Variants in SH3GLB2 observed in about 807,000 individuals in gnomAD.
SH3GLB2 encodes endophilin-B2.
A neutral mutation model predicts 48.0 loss-of-function variants in SH3GLB2; 24 were observed. The ratio of observed to expected loss-of-function variants is 0.50; its 90% CI spans 0.36 to 0.70. The LOEUF (loss-of-function observed/expected upper bound fraction) is 0.70, where lower values mean the gene tolerates loss of function less well. Among genes scored for constraint, SH3GLB2 ranks in the 30% least tolerant of loss-of-function variants. SH3GLB2 has a pLI of 0.00. For missense variants in SH3GLB2, 425 were observed against 516.0 expected (o/e 0.82, Z 1.71); for synonymous variants, 227 against 207.6 (o/e 1.09, Z -0.80).
intron 1 of SH3GLB2, among the ~76,000 whole-genome samples, chr9:129,023,168 G>C (rs1843924661): frequency 6.6e-6 from 1 of 152,172 alleles, no homozygotes; most frequent in Non-Finnish European, 1.5e-5. Context: ...GTCTGGGAAG[G>C]AAGGGGAATG....
rs138489520 is a variant in SH3GLB2, at chr9:129,022,260, G to A, written c.205+22C>T. The A allele has an allele frequency of 3.3e-3, 5,299 of 1,610,634 alleles. 152 individuals are homozygous for A. In the East Asian group the frequency reaches 0.056, roughly 17 times the overall value. On this transcript the variant is annotated intron_variant, in intron 2 of 10. Transcript: ENST00000372564. ...CTGCCCCACGACTACATCCCTCCCC[G>A]GGCCCACGAACACGCACTCACTGGG...
intron 1 of SH3GLB2, among the ~76,000 whole-genome samples, chr9:129,023,280 C>T (rs552580273): frequency 1.3e-5 from 2 of 152,208 alleles, no homozygotes; most frequent in East Asian, 1.9e-4. Context: ...ACCCAGGGCC[C>T]GGATGTCGCA....
At chr9:129,013,907 G>C (rs1459650096) in intron 5 of SH3GLB2, 1 of 386,748 alleles carries the variant, frequency 2.6e-6, no homozygotes, top group Non-Finnish European at 5.2e-6. Context: ...TGAAGGGGGC[G>C]CCAGATGGCC....
In SH3GLB2 at chr9:129,014,436, G is replaced by A. The variant is rs758677191; in HGVS notation, c.536C>T (p.Ala179Val). The change falls in exon 5 of 11, where the codon GCC becomes GTC. Residue 179 changes from alanine to valine, a missense_variant. Physicochemically the swap from Ala to Val is moderately conservative, Grantham distance 64. Coordinates refer to ENST00000372564, the MANE Select transcript of SH3GLB2 (RefSeq NM_020145.4). The surrounding 1 kb of genome is among the most constrained non-coding windows in gnomAD (Gnocchi z 4.1). ...CGTGGCTTTGGCTTCTGCAGCCTTGGCCTTCTTCAGCCTCGCTTTGCAGGC... is the reference window on the plus strand; with the variant it reads ...CGTGGCTTTGGCTTCTGCAGCCTTGACCTTCTTCAGCCTCGCTTTGCAGGC... The part of the protein sequence containing the change: ...LDACKARLKK[A>V]KAAEAKATTV... 14 of 1,550,254 alleles carry A rather than the reference G, an allele frequency of 9.0e-6. No homozygotes were observed. Among genetic ancestry groups the A allele is most frequent in the Non-Finnish European group, 1.0e-5 (12 of 1,147,062 alleles).
chr9:129,019,993 C>G (rs1843682225), intron 3 of SH3GLB2, among the ~76,000 whole-genome samples: 1 of 151,198 alleles, frequency 6.6e-6, no homozygotes, highest in Non-Finnish European at 1.5e-5. Context: ...CACTTGAGGT[C>G]AGGAGTTGGA....
intron 6 of SH3GLB2, chr9:129,010,940 C>G (rs1378510450): frequency 1.8e-6 from 1 of 568,596 alleles, no homozygotes; most frequent in African/African-American, 1.9e-5. Context: ...TTATATTTCT[C>G]CTACAGTGTC....
intron 5 of SH3GLB2, chr9:129,013,221 C>G (rs1476508861): frequency 1.7e-6 from 1 of 596,072 alleles, no homozygotes; most frequent in Non-Finnish European, 3.0e-6. Flanking sequence ...AGCTTGAGTC[C>G]TCTGGAATGC....
intron 3 of SH3GLB2, among the ~76,000 whole-genome samples, chr9:129,018,440 G>A (rs976017593): frequency 6.6e-6 from 1 of 150,686 alleles, no homozygotes; most frequent in Non-Finnish European, 1.5e-5. Context: ...AGCTGGGCAT[G>A]GTGGCGGGTG....
intron 3 of SH3GLB2, chr9:129,015,621 T>C (rs1415259840): frequency 6.4e-6 from 1 of 155,308 alleles, no homozygotes; most frequent in Non-Finnish European, 1.4e-5. Context: ...CCTCAGCACC[T>C]ACGGGGCACT....
Position 129,010,100 on chromosome 9 carries a change from G to T in SH3GLB2, c.738+20C>A, listed in dbSNP as rs748726227. On this transcript the variant is annotated intron_variant, in intron 8 of 10. Transcript: ENST00000372564. ...GCCTGCTGAGGGTTAGGTTTAGTGA[G>T]GGTGGGCAGTGGGACTCACGTGAGT... 1.2e-6 allele frequency: 2 copies of T among 1,606,568 alleles called. No individual in the cohort carries two copies. Among genetic ancestry groups the T allele is most frequent in the South Asian group, 1.1e-5 (1 of 90,924 alleles).
intron 1 of SH3GLB2, among the ~76,000 whole-genome samples, chr9:129,024,863 G>A (rs1489172129): frequency 2.0e-5 from 3 of 151,486 alleles, no homozygotes; most frequent in South Asian, 2.1e-4. Flanking sequence ...CCAGCTACTC[G>A]GGAGGCTGAG....
intron 1 of SH3GLB2, among the ~76,000 whole-genome samples, chr9:129,026,877 G>A (rs1844194575): frequency 6.6e-6 from 1 of 152,214 alleles, no homozygotes; most frequent in African/African-American, 2.4e-5. Flanking sequence ...AACACATTAA[G>A]CAGTGAATTC....
At chr9:129,023,847 C>G (rs1195586041) in intron 1 of SH3GLB2, among the ~76,000 whole-genome samples, 4 of 152,186 alleles carry the variant, frequency 2.6e-5, no homozygotes, top group African/African-American at 9.6e-5. Flanking sequence ...CTGGCTGGCT[C>G]TGCCTCCTCT....
intron 3 of SH3GLB2, among the ~76,000 whole-genome samples, chr9:129,016,951 CTTTTTTTTTTTTT>C (rs766780203): frequency 1.3e-3 from 144 of 112,408 alleles, no homozygotes; most frequent in Non-Finnish European, 1.7e-3. Flanking sequence ...ATACTCTGCT[CTTTTTTTTTTTTT>C]TTTTTTTTGG....
At position 129,007,513 on chromosome 9, in the gene SH3GLB2, G is replaced by C. The variant is rs1842839580; in HGVS notation, c.*1171C>G. Reference sequence around the variant, plus strand: ...AAGTCAGAATGCTAGGTCCTGCTAGGGGCCATCTAAAACACAGACATCACT... The same window carrying C: ...AAGTCAGAATGCTAGGTCCTGCTAGCGGCCATCTAAAACACAGACATCACT... On this transcript the variant is annotated 3_prime_UTR_variant, in exon 11 of 11. Transcript: ENST00000372564. The C allele has an allele frequency of 6.6e-6, 1 of 152,132 alleles. No individual in the cohort carries two copies. The highest frequency in any genetic ancestry group is 1.5e-5 in the Non-Finnish European group (1 of 68,026). The allele number at this position is 152,132 out of a possible 1,614,324, so 9.4% of individuals were successfully genotyped here.
In SH3GLB2 at chr9:129,008,559, G is replaced by C; in HGVS notation, c.*125C>G. On this transcript the variant is annotated 3_prime_UTR_variant, in exon 11 of 11. Transcript: ENST00000372564. ...CCTCACAGCTAGGTGACTAGGGGCA[G>C]GGACAGAATGGGGTGAATTCTCCCC... 1.4e-6 allele frequency: 1 copy of C among 725,480 alleles called. No individual in the cohort carries two copies. Among genetic ancestry groups the C allele is most frequent in the South Asian group, 1.7e-5 (1 of 59,342 alleles). The allele number at this position is 725,480 out of a possible 1,614,324, so 44.9% of individuals were successfully genotyped here.
Position 129,014,090 on chromosome 9 carries a change from C to T in SH3GLB2, c.561+321G>A, listed in dbSNP as rs971246700. The T allele has an allele frequency of 2.0e-5, 12 of 586,076 alleles. No homozygotes were observed. Among genetic ancestry groups the T allele is most frequent in the South Asian group, 6.1e-5 (4 of 65,428 alleles). The allele number at this position is 586,076 out of a possible 1,614,324, so 36.3% of individuals were successfully genotyped here. ...AGAAGGTGCCATGCCCGGGCAGAGCCGGGGACAGAGCCGAGCATCTAGGAG... is the reference window on the plus strand; with the variant it reads ...AGAAGGTGCCATGCCCGGGCAGAGCTGGGGACAGAGCCGAGCATCTAGGAG... On this transcript the variant is annotated intron_variant, in intron 5 of 10. Coordinates refer to ENST00000372564, the MANE Select transcript of SH3GLB2 (RefSeq NM_020145.4). The surrounding 1 kb of genome is among the most constrained non-coding windows in gnomAD (Gnocchi z 4.1).
chr9:129,016,899 G>A (rs1410977435), intron 3 of SH3GLB2, among the ~76,000 whole-genome samples: 3 of 147,902 alleles, frequency 2.0e-5, no homozygotes, highest in Non-Finnish European at 4.5e-5. Context: ...CACTGACAAA[G>A]AGAGAAATAA....
chr9:129,028,295 C>A lies in SH3GLB2; in HGVS notation c.-141G>T, dbSNP rs1206426861. On this transcript the variant is annotated 5_prime_UTR_variant, in exon 1 of 11. Coordinates refer to ENST00000372564, the MANE Select transcript of SH3GLB2 (RefSeq NM_020145.4). ...CCGCCTGCCGGCCTGCCCGCCTGCCCGCCCGCCGCAGCCGCCGAGCCAGCC... is the reference window on the plus strand; with the variant it reads ...CCGCCTGCCGGCCTGCCCGCCTGCCAGCCCGCCGCAGCCGCCGAGCCAGCC... 4.4e-6 allele frequency: 2 copies of A among 458,488 alleles called. No homozygotes were observed. The highest frequency in any genetic ancestry group is 5.7e-6 in the Non-Finnish European group (2 of 350,574). The allele number at this position is 458,488 out of a possible 1,614,324, so 28.4% of individuals were successfully genotyped here. A position where few individuals can be genotyped will look rare whatever the true frequency, so the allele number is the denominator to read the frequency against.
Sources: gnomAD v4.1 joint callset for allele counts (sites outside exome capture counted in the v4.1 genomes callset) on GRCh38, gnomAD v4.1.1 for gene constraint, Gnocchi (gnomAD v3.1) non-coding constraint, MANE v1.5 for transcripts, NCBI Gene and HGNC (gene_info 2026-07-23, HGNC 2026-07-21) for gene names.